The following ANXA7 variants were observed in gnomAD, a reference collection of about 807,000 sequenced individuals.
ANXA7 encodes the protein annexin VII.
Under a neutral mutation model 64.9 loss-of-function variants are expected in ANXA7, and 55 were observed. The ratio of observed to expected loss-of-function variants is 0.85; its 90% CI spans 0.68 to 1.06. The LOEUF is 1.06. Ranked by LOEUF, ANXA7 falls within the 50% of genes least tolerant of loss-of-function variation. The pLI is 0.00. For missense variants in ANXA7, 548 were observed against 582.1 expected, an observed-to-expected ratio of 0.94 and a Z score of 0.60; for synonymous variants, 200 against 192.4, an observed-to-expected ratio of 1.04 and a Z score of -0.33.
rs1362554391 is a variant in ANXA7, at chr10:73,380,191, T to C, written c.929A>G (p.Asp310Gly). 6.2e-7 allele frequency: 1 copy of C among 1,604,284 alleles called. No individual in the cohort carries two copies. The highest frequency in any genetic ancestry group is 1.3e-5 in the African/African-American group (1 of 74,424). ...TTGGTGGTTTATACTCTGGTTCTCA[T>C]CACGATTTCCCTGCAAAAGAGAAAG... The part of the protein sequence containing the change: ...LLVSMCQGNR[D>G]ENQSINHQMA... The change falls in exon 10 of 13, where the codon GAT becomes GGT. Residue 310 changes from aspartate to glycine, a missense_variant. Coordinates refer to ENST00000372921, the MANE Select transcript of ANXA7 (RefSeq NM_001156.5).
intron 7 of ANXA7, among the ~76,000 whole-genome samples, chr10:73,387,039 C>G (rs1267715398): frequency 6.6e-6 from 1 of 152,118 alleles, no homozygotes; most frequent in African/African-American, 2.4e-5. Context: ...TGCCCAGGAC[C>G]AAGAATAAAC....
At chr10:73,381,984 T>C (rs1418682660) in intron 9 of ANXA7, among the ~76,000 whole-genome samples, 1 of 152,136 alleles carries the variant, frequency 6.6e-6, no homozygotes, top group Non-Finnish European at 1.5e-5. Flanking sequence ...GTTCAAGCGA[T>C]TCTGCTGCCT....
chr10:73,410,400 T>C (rs2132706067), intron 1 of ANXA7, among the ~76,000 whole-genome samples: 1 of 152,240 alleles, frequency 6.6e-6, no homozygotes, highest in African/African-American at 2.4e-5. Flanking sequence ...AAATAATCAT[T>C]AATAATTCAA....
chr10:73,387,277 G>A (rs2055389370), intron 7 of ANXA7, among the ~76,000 whole-genome samples: 1 of 152,180 alleles, frequency 6.6e-6, no homozygotes, highest in Non-Finnish European at 1.5e-5. Context: ...CACTTTGGGA[G>A]GCTGAGGCAG....
intron 12 of ANXA7, among the ~76,000 whole-genome samples, chr10:73,376,973 C>T (rs1395739839): frequency 6.6e-6 from 1 of 152,138 alleles, no homozygotes; most frequent in Non-Finnish European, 1.5e-5. Flanking sequence ...AACACAGGCA[C>T]AGAAAGTCAC....
chr10:73,400,893 TTTG>T (rs1379953290), intron 1 of ANXA7, 36 bp from the exon 2 acceptor site: 20 of 1,551,084 alleles, frequency 1.3e-5, no homozygotes, highest in Non-Finnish European at 1.8e-5. Context: ...CTGTAAGTTT[TTTG>T]TTGTTTTGTT....
At chr10:73,385,177 T>C (rs1482023462) in intron 7 of ANXA7, among the ~76,000 whole-genome samples, 1 of 152,178 alleles carries the variant, frequency 6.6e-6, no homozygotes, top group Non-Finnish European at 1.5e-5. Flanking sequence ...TAAAACAAAG[T>C]TGTAACTAAA....
chr10:73,377,930 T>TGTGTGTGTGTGTGTGTGTGTGTGCGC (rs542289005), intron 12 of ANXA7, among the ~76,000 whole-genome samples: 11 of 142,582 alleles, frequency 7.7e-5, no homozygotes, highest in African/African-American at 2.5e-4. Flanking sequence ...TGTGTGTGTG[T>TGTGTGTGTGTGTGTGTGTGTGTGCGC]GCGCGCGCGT....
At chr10:73,410,814 A>T (rs2132706840) in intron 1 of ANXA7, among the ~76,000 whole-genome samples, 1 of 151,672 alleles carries the variant, frequency 6.6e-6, no homozygotes, top group South Asian at 2.1e-4. Flanking sequence ...AAAAAACAAT[A>T]GATGTTGGTG....
At chr10:73,381,211 T>C (rs2055269661) in intron 9 of ANXA7, among the ~76,000 whole-genome samples, 1 of 152,110 alleles carries the variant, frequency 6.6e-6, no homozygotes, top group Non-Finnish European at 1.5e-5. Context: ...GCCATCGAAT[T>C]ATAATCTTAA....
At chr10:73,383,965 C>T (rs1471958293) in intron 7 of ANXA7, among the ~76,000 whole-genome samples, 2 of 151,814 alleles carry the variant, frequency 1.3e-5, no homozygotes, top group Non-Finnish European at 2.9e-5. Context: ...ACTAAAAACA[C>T]AAAAAATTAA....
intron 1 of ANXA7, among the ~76,000 whole-genome samples, chr10:73,402,410 C>A (rs900962018): frequency 6.6e-6 from 1 of 152,020 alleles, no homozygotes; most frequent in African/African-American, 2.4e-5. Flanking sequence ...CCGTATTGCC[C>A]AGGCTGGTCT....
In ANXA7 at chr10:73,383,350, A is replaced by G. The variant is rs764983994; in HGVS notation, c.748-5T>C. 9 of 1,603,236 alleles carry G rather than the reference A, an allele frequency of 5.6e-6. No homozygotes were observed. The highest frequency in any genetic ancestry group is 4.5e-5 in the East Asian group (2 of 44,770). ...ACGTTCCTGAGTTCCTGCTCCCTAC[A>G]TGAAATGAAGGGAAGATTATACAAA... On this transcript the variant is annotated splice_polypyrimidine_tract_variant and splice_region_variant and intron_variant, in intron 8 of 12. Coordinates refer to ENST00000372921, the MANE Select transcript of ANXA7 (RefSeq NM_001156.5).
intron 12 of ANXA7, among the ~76,000 whole-genome samples, chr10:73,377,849 G>A (rs1334713481): frequency 6.7e-6 from 1 of 149,700 alleles, no homozygotes. Flanking sequence ...GTGTGTGTGT[G>A]TGTATTTTTT....
At chr10:73,412,115 C>A (rs1455205765) in intron 1 of ANXA7, among the ~76,000 whole-genome samples, 1 of 152,208 alleles carries the variant, frequency 6.6e-6, no homozygotes, top group East Asian at 1.9e-4. Context: ...CAGCTTACTG[C>A]AACCTCCGCC....
rs371478953 is a variant in ANXA7, at chr10:73,398,134, T to C, written c.259+47A>G. The C allele has an allele frequency of 2.2e-5, 35 of 1,562,448 alleles. No individual in the cohort carries two copies. In the African/African-American group the frequency reaches 4.5e-4, roughly 20 times the overall value. On this transcript the variant is annotated intron_variant, in intron 3 of 12. Coordinates refer to ENST00000372921, the MANE Select transcript of ANXA7 (RefSeq NM_001156.5). ...AGAGGATAAAGGGAGAAGGAAAAAG[T>C]GCTACAGCAATCCCAATCATTACTA...
chr10:73,408,969 G>A (rs764711311), intron 1 of ANXA7, among the ~76,000 whole-genome samples: 1 of 152,126 alleles, frequency 6.6e-6, no homozygotes, highest in Admixed American at 6.6e-5. Flanking sequence ...ACAAAATCCA[G>A]CATCCTTTAC....
chr10:73,398,189 T>A lies in ANXA7; in HGVS notation c.251A>T (p.Tyr84Phe), dbSNP rs775355106. Residue 84 changes from tyrosine (Y) to phenylalanine (F), a missense_variant, in exon 3 of 13, where the codon TAT (tyrosine) becomes TTT (phenylalanine). Coordinates refer to ENST00000372921, the MANE Select transcript of ANXA7 (RefSeq NM_001156.5). ...CGCAACCCGTAACTCACCTCCGGGA[T>A]AGGATGGAGCTCCCCCTGGCTGTGG... ...GAPQPGGAPS[Y>F]PGVPPGQGFG... is the part of the protein sequence containing the mutation. The A allele has an allele frequency of 2.5e-6, 4 of 1,610,602 alleles. No homozygotes were observed. Among genetic ancestry groups the A allele is most frequent in the Non-Finnish European group, 3.4e-6 (4 of 1,177,630 alleles).
chr10:73,410,306 GA>G (rs550779696), intron 1 of ANXA7, among the ~76,000 whole-genome samples: 2 of 147,598 alleles, frequency 1.4e-5, no homozygotes, highest in Non-Finnish European at 3.0e-5. Context: ...AAATCACAAA[GA>G]AAAAAAAACA....
Sources: allele counts gnomAD v4.1 joint callset (sites outside exome capture counted in the v4.1 genomes callset), GRCh38; gene constraint gnomAD v4.1.1; transcripts MANE v1.5; gene names NCBI Gene and HGNC (gene_info 2026-07-23, HGNC 2026-07-21).